Variants in HTR7 observed in about 807,000 individuals in gnomAD.
The protein encoded by HTR7 is 5-hydroxytryptamine receptor 7.
A neutral mutation model predicts 34.0 loss-of-function variants in HTR7; 16 were observed. The ratio of observed to expected loss-of-function variants is 0.47; its 90% CI spans 0.32 to 0.71. The LOEUF is 0.71. HTR7 is among the 30% of genes least tolerant of loss of function. The pLI, the probability that HTR7 is intolerant of heterozygous loss-of-function variation, is 0.04. For synonymous variants in HTR7, 265 were observed against 260.2 expected (o/e 1.02, Z -0.18); for missense variants, 504 against 625.5 (o/e 0.81, Z 2.07).
chr10:90,754,541 C>T (rs138078108), intron 1 of HTR7, among the ~76,000 whole-genome samples: 79 of 152,054 alleles, frequency 5.2e-4, no homozygotes, highest in African/African-American at 1.6e-3. Context: ...AAAATGCATA[C>T]GAATGTTAAA....
At chr10:90,817,372 G>A (rs1221022089) in intron 1 of HTR7, among the ~76,000 whole-genome samples, 1 of 152,210 alleles carries the variant, frequency 6.6e-6, no homozygotes, top group East Asian at 1.9e-4. Context: ...TCTTCACAGG[G>A]ACACAACAAA....
intron 1 of HTR7, among the ~76,000 whole-genome samples, chr10:90,839,242 A>C (rs1204899610): frequency 6.6e-6 from 1 of 152,232 alleles, no homozygotes; most frequent in Non-Finnish European, 1.5e-5. Context: ...AGAATTTTCA[A>C]AGACTTCTAC....
intron 1 of HTR7, among the ~76,000 whole-genome samples, chr10:90,799,331 G>A (rs985899601): frequency 1.5e-4 from 21 of 143,248 alleles, no homozygotes; most frequent in Non-Finnish European, 2.3e-4. Context: ...CCGCACAGCC[G>A]GCTCTGCATG....
chr10:90,833,552 A>G (rs554016815), intron 1 of HTR7, among the ~76,000 whole-genome samples: 1 of 152,388 alleles, frequency 6.6e-6, no homozygotes, highest in South Asian at 2.1e-4. Context: ...ACTAATAAAT[A>G]GTAACATTTA....
At chr10:90,826,853 C>T (rs1846084002) in intron 1 of HTR7, among the ~76,000 whole-genome samples, 1 of 151,980 alleles carries the variant, frequency 6.6e-6, no homozygotes, top group Non-Finnish European at 1.5e-5. Flanking sequence ...AGGAGAATGG[C>T]ATGAACCCAG....
chr10:90,822,395 G>A (rs1845998137), intron 1 of HTR7, among the ~76,000 whole-genome samples: 1 of 152,200 alleles, frequency 6.6e-6, no homozygotes, highest in Admixed American at 6.5e-5. Flanking sequence ...GCTTGAGAAA[G>A]ATGATTGAGG....
At chr10:90,746,626 A>C (rs1246179329) in intron 2 of HTR7, among the ~76,000 whole-genome samples, 1 of 152,220 alleles carries the variant, frequency 6.6e-6, no homozygotes, top group East Asian at 1.9e-4. Context: ...TGTTCTAGGA[A>C]ATAGTCACTT....
At chr10:90,789,753 G>A (rs183201697) in intron 1 of HTR7, among the ~76,000 whole-genome samples, 75 of 152,288 alleles carry the variant, frequency 4.9e-4, no homozygotes, top group African/African-American at 1.7e-3. Flanking sequence ...GTCTGTGGTG[G>A]CTAAACATTT....
intron 1 of HTR7, among the ~76,000 whole-genome samples, chr10:90,827,602 A>C (rs1846097812): frequency 6.6e-6 from 1 of 152,232 alleles, no homozygotes; most frequent in African/African-American, 2.4e-5. Flanking sequence ...GACAAAATAG[A>C]ATTCAAGACA....
chr10:90,811,202 T>C (rs1358376035), intron 1 of HTR7, among the ~76,000 whole-genome samples: 3 of 152,198 alleles, frequency 2.0e-5, no homozygotes, highest in Admixed American at 6.5e-5. Context: ...GATCGCGTCC[T>C]GTAGCCTTTT....
At chr10:90,819,083 G>T (rs1845939802) in intron 1 of HTR7, among the ~76,000 whole-genome samples, 1 of 152,146 alleles carries the variant, frequency 6.6e-6, no homozygotes, top group African/African-American at 2.4e-5. Context: ...CCAGCCTCAG[G>T]TAATTCTTTA....
At chr10:90,753,427 A>T (rs1379820464) in intron 1 of HTR7, among the ~76,000 whole-genome samples, 1 of 151,988 alleles carries the variant, frequency 6.6e-6, no homozygotes, top group South Asian at 2.1e-4. Flanking sequence ...ACTTAAAAAT[A>T]TTCAGAACTT....
At chr10:90,757,304 A>G (rs1844847164) in intron 1 of HTR7, among the ~76,000 whole-genome samples, 2 of 152,314 alleles carry the variant, frequency 1.3e-5, no homozygotes, top group South Asian at 4.1e-4. Flanking sequence ...AAGACAACCT[A>G]AAGAAAAGTA....
At chr10:90,831,102 T>C (rs1360131848) in intron 1 of HTR7, among the ~76,000 whole-genome samples, 4 of 152,294 alleles carry the variant, frequency 2.6e-5, no homozygotes, top group Admixed American at 2.6e-4. Context: ...CAGCAAGAAA[T>C]AGATTGCACA....
chr10:90,744,386 C>A (rs982702309), intron 2 of HTR7, among the ~76,000 whole-genome samples: 1 of 151,556 alleles, frequency 6.6e-6, no homozygotes, highest in Non-Finnish European at 1.5e-5. Flanking sequence ...AAAAACAAGC[C>A]AATGAAGAGA....
intron 1 of HTR7, among the ~76,000 whole-genome samples, chr10:90,808,144 A>G (rs1004036526): frequency 1.3e-5 from 2 of 152,168 alleles, no homozygotes; most frequent in African/African-American, 4.8e-5. Flanking sequence ...GTGTCAGATC[A>G]CGCAGGGACG....
chr10:90,771,362 A>T (rs189837326), intron 1 of HTR7, among the ~76,000 whole-genome samples: 315 of 152,338 alleles, frequency 2.1e-3, no homozygotes, highest in Non-Finnish European at 3.5e-3. Flanking sequence ...CGAGGCTAAA[A>T]GAGCTGCTAT....
intron 2 of HTR7, chr10:90,744,035 T>A: frequency 2.3e-6 from 1 of 433,574 alleles, no homozygotes; most frequent in Non-Finnish European, 4.5e-6. Context: ...GAAACTATTA[T>A]GTAGGAGAAT....
rs61675028 is a variant in HTR7 at position 90,848,069 on chromosome 10, C to CTT, written c.539+9062_539+9063dup. On this transcript the variant is annotated intron_variant, in intron 1 of 3. Coordinates refer to ENST00000336152, the MANE Select transcript of HTR7 (RefSeq NM_019859.4). ...TAAAAGCAATCACTCTCTCTTTGTT[C>CTT]TTTTTTTTTTTTTTTTTTTGGCAGG... is the stretch of plus-strand genomic sequence containing the variant. 3.1e-3 allele frequency among the ~76,000 whole-genome samples: 346 copies of CTT among 112,086 alleles called. 8 individuals carry two copies. Among genetic ancestry groups the CTT allele is most frequent in the African/African-American group, 9.0e-3 (237 of 26,218 alleles). 73.5% of individuals were successfully genotyped at this position (112,086 alleles called of 152,430 possible). A position where few individuals can be genotyped will look rare whatever the true frequency, so the allele number is the denominator to read the frequency against.
Sources: gnomAD v4.1 joint callset for allele counts (sites outside exome capture counted in the v4.1 genomes callset) on GRCh38, gnomAD v4.1.1 for gene constraint, MANE v1.5 for transcripts, NCBI Gene and HGNC (gene_info 2026-07-23, HGNC 2026-07-21) for gene names.